Variants in CAMKK1 observed in about 807,000 individuals in gnomAD.
CAMKK1 encodes the protein calcium/calmodulin-dependent protein kinase kinase 1.
Under a neutral mutation model 63.5 loss-of-function variants are expected in CAMKK1, and 20 were observed. The ratio of observed to expected loss-of-function variants is 0.32; its 90% CI spans 0.22 to 0.46. The LOEUF is 0.46. CAMKK1 is among the 20% of genes least tolerant of loss of function. The pLI is 1.00. For synonymous variants in CAMKK1, 253 were observed against 269.0 expected (o/e 0.94, Z 0.58); for missense variants, 588 against 658.1 (o/e 0.89, Z 1.17).
At chr17:3,869,393 C>T in intron 14 of CAMKK1, 94 bp downstream of exon 14, 2 of 1,528,368 alleles carry the variant, frequency 1.3e-6, no homozygotes, top group Non-Finnish European at 1.8e-6. Flanking sequence ...GCTGGCCAGG[C>T]AGGCCTCTGT....
rs375559181 is a variant in CAMKK1 at position 3,865,950 on chromosome 17, C to T, written c.1403G>A (p.Arg468Gln). 6.0e-5 allele frequency: 97 copies of T among 1,614,106 alleles called. No homozygotes were observed. Among genetic ancestry groups the T allele is most frequent in the South Asian group, 6.6e-5 (6 of 91,082 alleles). ...SFGNPFEPQARREERSMSAPG... is the reference protein window; with the variant it reads ...SFGNPFEPQAQREERSMSAPG... ...AGCAGACATGGATCGCTCTTCCCTC[C>T]GTGCTTGGGGCTCAAACGGGTTCCC... is the stretch of plus-strand genomic sequence containing the variant. The change falls in exon 15 of 16, where the codon CGG becomes CAG. Residue 468 changes from arginine to glutamine, a missense_variant. By Grantham distance (43) the Arg-to-Gln change is conservative (BLOSUM62 1). Coordinates refer to ENST00000348335, the MANE Select transcript of CAMKK1 (RefSeq NM_032294.3).
chr17:3,888,789 G>C (rs1476659403), intron 1 of CAMKK1, among the ~76,000 whole-genome samples: 1 of 152,140 alleles, frequency 6.6e-6, no homozygotes, highest in Non-Finnish European at 1.5e-5. Context: ...GCGGCCGGCC[G>C]GGGAGGCCCG....
chr17:3,868,547 G>A (rs1193389746), intron 14 of CAMKK1, among the ~76,000 whole-genome samples: 1 of 152,230 alleles, frequency 6.6e-6, no homozygotes, highest in African/African-American at 2.4e-5. Context: ...CTTGTCCTCG[G>A]CACCTTGTGC....
intron 11 of CAMKK1, 70 bp from the exon 12 acceptor site, chr17:3,872,697 C>G: frequency 7.3e-7 from 1 of 1,372,654 alleles, no homozygotes; most frequent in Non-Finnish European, 1.0e-6. Context: ...ATCAACCCCC[C>G]TCCCTTGGTG....
chr17:3,866,116 G>C, intron 14 of CAMKK1, 105 bp from the exon 15 acceptor site: 1 of 1,317,506 alleles, frequency 7.6e-7, no homozygotes, highest in Non-Finnish European at 1.1e-6. Context: ...CGCAGTGCGG[G>C]TCCCATCTCA....
At chr17:3,864,902 A>G (rs73320278) in intron 15 of CAMKK1, among the ~76,000 whole-genome samples, 2 of 152,246 alleles carry the variant, frequency 1.3e-5, no homozygotes, top group East Asian at 3.9e-4. Context: ...GGAAACCAAC[A>G]TGGTGGTCCC....
At position 3,892,030 on chromosome 17, in the gene CAMKK1, A is replaced by C. The variant is rs1209212183; in HGVS notation, c.-44+909T>G. ...GGGTCAATTTGTATGTACTGGAGGA[A>C]AGAGGGCAGGGCTTGGGGAGGCCAG... On this transcript the variant is annotated intron_variant, in intron 1 of 15. Coordinates refer to ENST00000348335, the MANE Select transcript of CAMKK1 (RefSeq NM_032294.3). The surrounding 1 kb of genome is among the most constrained non-coding windows in gnomAD (Gnocchi z 7.5). Among the ~76,000 whole-genome samples, 1 of 152,024 alleles carries C rather than the reference A, an allele frequency of 6.6e-6. No homozygotes were observed. Among genetic ancestry groups the C allele is most frequent in the Admixed American group, 6.5e-5 (1 of 15,278 alleles).
intron 14 of CAMKK1, 25 bp downstream of exon 14, chr17:3,869,462 G>A: frequency 1.2e-6 from 2 of 1,613,912 alleles, no homozygotes; most frequent in Non-Finnish European, 1.7e-6. Context: ...CCAGGACAAG[G>A]GAGCATCTAC....
chr17:3,873,606 C>G, intron 10 of CAMKK1, 144 bp from the exon 11 acceptor site: 3 of 784,728 alleles, frequency 3.8e-6, no homozygotes, highest in Admixed American at 2.2e-5. Context: ...GGTACTTGCC[C>G]GATGCTGGGC....
chr17:3,879,864 T>G lies in CAMKK1; in HGVS notation c.796+482A>C. The G allele has an allele frequency of 6.4e-6, 1 of 156,886 alleles. No individual in the cohort carries two copies. The highest frequency in any genetic ancestry group is 1.4e-5 in the Non-Finnish European group (1 of 70,800). The allele number at this position is 156,886 out of a possible 1,614,324, so 9.7% of individuals were successfully genotyped here. On this transcript the variant is annotated intron_variant, in intron 9 of 15. Coordinates refer to ENST00000348335, the MANE Select transcript of CAMKK1 (RefSeq NM_032294.3). This position sits in a 1 kb window ranked among gnomAD's most constrained non-coding sequence, Gnocchi z 4.5. ...TTTCACCCCTATGCCCCCAGGCAAGTGAATGTAGCTAATGAATGAAATGAG... is the reference window on the plus strand; with the variant it reads ...TTTCACCCCTATGCCCCCAGGCAAGGGAATGTAGCTAATGAATGAAATGAG...
At chr17:3,868,997 C>G (rs909467520) in intron 14 of CAMKK1, among the ~76,000 whole-genome samples, 1 of 146,082 alleles carries the variant, frequency 6.8e-6, no homozygotes, top group Non-Finnish European at 1.5e-5. Context: ...GAGACGCAGT[C>G]TCGCTCTGTG....
intron 13 of CAMKK1, 27 bp from the exon 14 acceptor site, chr17:3,869,642 G>T (rs116805406): frequency 2.5e-6 from 4 of 1,613,924 alleles, no homozygotes; most frequent in Non-Finnish European, 3.4e-6. Context: ...GGCAGGGAGA[G>T]GGGGAGAGGT....
intron 14 of CAMKK1, among the ~76,000 whole-genome samples, chr17:3,866,936 G>A (rs1255749396): frequency 6.6e-6 from 1 of 152,126 alleles, no homozygotes; most frequent in Non-Finnish European, 1.5e-5. Context: ...GGCCAGGCTG[G>A]TCTCAAACTC....
chr17:3,870,763 C>T (rs553252377), intron 12 of CAMKK1, among the ~76,000 whole-genome samples: 1 of 152,262 alleles, frequency 6.6e-6, no homozygotes, highest in South Asian at 2.1e-4. Context: ...TTCGGTTCCC[C>T]CTGTTGTCTT....
Position 3,882,758 on chromosome 17 carries a change from C to T in CAMKK1, c.649-194G>A, listed in dbSNP as rs2055470738. Reference sequence around the variant, plus strand: ...CACCGACCCCCAACCTGGCCCGCCACACGACATCCAGCCTTCCTCCCCTCC... The same window carrying T: ...CACCGACCCCCAACCTGGCCCGCCATACGACATCCAGCCTTCCTCCCCTCC... On this transcript the variant is annotated intron_variant, in intron 6 of 15. Transcript: ENST00000348335. This position sits in a 1 kb window ranked among gnomAD's most constrained non-coding sequence, Gnocchi z 4.3. 6.6e-6 allele frequency among the ~76,000 whole-genome samples: 1 copy of T among 152,184 alleles called. No individual in the cohort carries two copies. The highest frequency in any genetic ancestry group is 2.4e-5 in the African/African-American group (1 of 41,436).
At position 3,865,963 on chromosome 17, in the gene CAMKK1, CA is replaced by C. The variant is rs1244393581; in HGVS notation, c.1389del (p.Phe463LeufsTer20). 1 of 1,614,222 alleles carries C rather than the reference CA, an allele frequency of 6.2e-7. No homozygotes were observed. Among genetic ancestry groups the C allele is most frequent in the Admixed American group, 1.7e-5 (1 of 60,026 alleles). ...MLRKRSFGNP[F>X]EPQARREERS... ...CGCTCTTCCCTCCGTGCTTGGGGCT[CA>C]AACGGGTTCCCAAAGGAACGCTTCC... On this transcript the variant is annotated frameshift_variant, in exon 15 of 16. Coordinates refer to ENST00000348335, the MANE Select transcript of CAMKK1 (RefSeq NM_032294.3). LOFTEE classifies it high-confidence loss of function.
At chr17:3,885,850 G>A (rs1567636336) in intron 1 of CAMKK1, 120 bp from the exon 2 acceptor site, 4 of 986,230 alleles carry the variant, frequency 4.1e-6, no homozygotes, top group East Asian at 5.2e-5. Context: ...CCTCTACCGG[G>A]ATTGCCAACA....
At chr17:3,880,093 G>A in intron 9 of CAMKK1, 1 of 520,334 alleles carries the variant, frequency 1.9e-6, no homozygotes, top group South Asian at 2.5e-5. Context: ...GAAAGATACA[G>A]AACAGCCAGG....
intron 12 of CAMKK1, among the ~76,000 whole-genome samples, chr17:3,870,273 C>T (rs112656230): frequency 2.0e-5 from 3 of 151,988 alleles, no homozygotes; most frequent in Non-Finnish European, 2.9e-5. Context: ...ACAGTGCCAG[C>T]CAGAAGAGTG....
Sources: gnomAD v4.1 joint callset for allele counts (sites outside exome capture counted in the v4.1 genomes callset) on GRCh38, gnomAD v4.1.1 for gene constraint, Gnocchi (gnomAD v3.1) non-coding constraint, MANE v1.5 for transcripts, NCBI Gene and HGNC (gene_info 2026-07-23, HGNC 2026-07-21) for gene names.